FAT3: variants seen among roughly 807,000 people sequenced by gnomAD.
FAT3 encodes the protein FAT atypical cadherin 3, also known as protocadherin Fat 3.
Under a neutral mutation model 310.2 loss-of-function variants are expected in FAT3, and 95 were observed. The observed-to-expected ratio is 0.31, with a 90% CI of 0.26 to 0.36. FAT3 has a LOEUF of 0.36. Among genes scored for constraint, FAT3 ranks in the 10% least tolerant of loss-of-function variants. FAT3 has a pLI of 1.00. For synonymous variants in FAT3, 2,314 were observed against 2,192.9 expected, an observed-to-expected ratio of 1.06 and a Z score of -1.54; for missense variants, 5,408 against 5,715.6, an observed-to-expected ratio of 0.95 and a Z score of 1.74.
chr11:92,359,832 G>A (rs1948834429), intron 2 of FAT3, among the ~76,000 whole-genome samples: 1 of 142,162 alleles, frequency 7.0e-6, no homozygotes, highest in Non-Finnish European at 1.5e-5. Flanking sequence ...TGGCTGCATA[G>A]TATTCCATGG....
chr11:92,373,084 A>T (rs1286544172), intron 2 of FAT3, among the ~76,000 whole-genome samples: 1 of 152,198 alleles, frequency 6.6e-6, no homozygotes, highest in Non-Finnish European at 1.5e-5. Flanking sequence ...GAGGGGCTGA[A>T]GTGAAGGAGT....
intron 4 of FAT3, among the ~76,000 whole-genome samples, chr11:92,750,203 A>G (rs1379706611): frequency 6.6e-6 from 1 of 152,088 alleles, no homozygotes; most frequent in East Asian, 1.9e-4. Flanking sequence ...TTTGATAATG[A>G]GAGGGGGAGG....
chr11:92,246,524 AAG>A (rs1222266716), intron 1 of FAT3, among the ~76,000 whole-genome samples: 21 of 152,096 alleles, frequency 1.4e-4, no homozygotes, highest in Non-Finnish European at 2.8e-4. Context: ...CTCTAAGACA[AAG>A]AGGGGATATG....
intron 3 of FAT3, among the ~76,000 whole-genome samples, chr11:92,542,485 C>G (rs979459738): frequency 1.4e-5 from 2 of 141,522 alleles, no homozygotes; most frequent in African/African-American, 2.6e-5. Context: ...AATTCAACAG[C>G]AAAAAAAAAA....
intron 2 of FAT3, among the ~76,000 whole-genome samples, chr11:92,444,759 G>A (rs556267506): frequency 6.6e-6 from 1 of 151,780 alleles, no homozygotes; most frequent in Non-Finnish European, 1.5e-5. Context: ...ACATCTGATT[G>A]TGGCAGCTGT....
intron 3 of FAT3, among the ~76,000 whole-genome samples, chr11:92,619,309 G>T (rs1030831492): frequency 1.3e-5 from 2 of 152,236 alleles, no homozygotes; most frequent in South Asian, 4.1e-4. Flanking sequence ...ATTCATAAGA[G>T]ATATTGATCT....
At chr11:92,389,881 C>T (rs929411683) in intron 2 of FAT3, among the ~76,000 whole-genome samples, 3 of 151,996 alleles carry the variant, frequency 2.0e-5, no homozygotes, top group African/African-American at 4.8e-5. Context: ...TTTTTTACCC[C>T]GTCTTATGTA....
chr11:92,541,326 G>A lies in FAT3; in HGVS notation c.3607+16378G>A, dbSNP rs573336644. Among the ~76,000 whole-genome samples, 112 of 152,260 alleles carry A rather than the reference G, an allele frequency of 7.4e-4. No homozygotes were observed. In the South Asian group the frequency reaches 0.022, roughly 30 times the overall value. On this transcript the variant is annotated intron_variant, in intron 3 of 27. Transcript: ENST00000525166. ...TTGAATAATATGCATCACTGATACTGAGCAGGGATTTCTCAACTCATTTTT... is the reference window on the plus strand; with the variant it reads ...TTGAATAATATGCATCACTGATACTAAGCAGGGATTTCTCAACTCATTTTT...
chr11:92,280,096 A>G (rs1946383254), intron 1 of FAT3, among the ~76,000 whole-genome samples: 1 of 152,194 alleles, frequency 6.6e-6, no homozygotes, highest in African/African-American at 2.4e-5. Flanking sequence ...AGATTACAAC[A>G]ACAACAAAAA....
At chr11:92,581,955 G>A (rs1252398954) in intron 3 of FAT3, among the ~76,000 whole-genome samples, 2 of 152,050 alleles carry the variant, frequency 1.3e-5, no homozygotes, top group Admixed American at 6.6e-5. Context: ...GAATAAGAGA[G>A]TGGCTGCTTC....
chr11:92,556,332 G>T (rs1408219993), intron 3 of FAT3, among the ~76,000 whole-genome samples: 1 of 152,112 alleles, frequency 6.6e-6, no homozygotes, highest in Admixed American at 6.6e-5. Context: ...TGCCTTGCTT[G>T]CCGTCATCCT....
At chr11:92,264,271 C>T (rs1247521510) in intron 1 of FAT3, among the ~76,000 whole-genome samples, 1 of 152,078 alleles carries the variant, frequency 6.6e-6, no homozygotes, top group African/African-American at 2.4e-5. Context: ...AGATGTGTAT[C>T]TGGAATACTT....
Position 92,629,783 on chromosome 11 carries a change from T to C in FAT3, c.3608-67601T>C, listed in dbSNP as rs1029538382. Reference sequence around the variant, plus strand: ...ACTATGCTTGCTTCCCACCATCATCTAAATCAGACTCCTGCCCCATGTCTC... The same window carrying C: ...ACTATGCTTGCTTCCCACCATCATCCAAATCAGACTCCTGCCCCATGTCTC... On this transcript the variant is annotated intron_variant, in intron 3 of 27. Coordinates refer to ENST00000525166, the MANE Select transcript of FAT3 (RefSeq NM_001367949.2). Among the ~76,000 whole-genome samples the C allele has an allele frequency of 2.0e-5, 3 of 152,144 alleles. 1 individual carries two copies. The highest frequency in any genetic ancestry group is 4.1e-4 in the South Asian group (2 of 4,826).
intron 1 of FAT3, among the ~76,000 whole-genome samples, chr11:92,250,866 G>A (rs550271131): frequency 3.3e-5 from 5 of 152,230 alleles, no homozygotes; most frequent in South Asian, 4.1e-4. Context: ...AATAGCTGTC[G>A]TTTCTTAGTG....
At chr11:92,403,810 G>T (rs1950076339) in intron 2 of FAT3, among the ~76,000 whole-genome samples, 1 of 152,200 alleles carries the variant, frequency 6.6e-6, no homozygotes, top group Non-Finnish European at 1.5e-5. Context: ...GACAAGGTGG[G>T]AGGATCACGA....
At chr11:92,817,651 G>C (rs1462537721) in intron 13 of FAT3, among the ~76,000 whole-genome samples, 1 of 152,238 alleles carries the variant, frequency 6.6e-6, no homozygotes, top group Non-Finnish European at 1.5e-5. Flanking sequence ...CCAAAGCAAA[G>C]CTCTTTTCAG....
At chr11:92,649,847 A>C (rs1942302277) in intron 3 of FAT3, among the ~76,000 whole-genome samples, 1 of 127,314 alleles carries the variant, frequency 7.9e-6, no homozygotes, top group East Asian at 2.5e-4. Flanking sequence ...TTAAGCGAGC[A>C]TTTGTTAAAC....
chr11:92,885,106 C>T (rs1488859), intron 24 of FAT3, among the ~76,000 whole-genome samples: 126,812 of 152,176 alleles, frequency 0.83, 53,138 homozygotes, highest in African/African-American at 0.91. Context: ...TATAGTGAGC[C>T]TGATGACGAG....
chr11:92,633,322 A>G (rs1288899394), intron 3 of FAT3, among the ~76,000 whole-genome samples: 2 of 151,838 alleles, frequency 1.3e-5, no homozygotes, highest in East Asian at 3.9e-4. Context: ...TTTTTATCTG[A>G]TGGATGTCCC....
Sources: allele counts gnomAD v4.1 joint callset (sites outside exome capture counted in the v4.1 genomes callset), GRCh38; gene constraint gnomAD v4.1.1; transcripts MANE v1.5; gene names NCBI Gene and HGNC (gene_info 2026-07-23, HGNC 2026-07-21).